The following CHEK2 variants were observed in gnomAD, a reference collection of about 807,000 sequenced individuals.
CHEK2 encodes serine/threonine-protein kinase Chk2.
A neutral mutation model predicts 69.1 loss-of-function variants in CHEK2; 71 were observed. The ratio of observed to expected loss-of-function variants is 1.03; its 90% CI spans 0.85 to 1.25. The LOEUF is 1.25. Among genes scored for constraint, CHEK2 ranks in the 50% most tolerant of loss-of-function variants. CHEK2 has a pLI of 0.00. For missense variants in CHEK2, 664 were observed against 649.6 expected (o/e 1.02, Z -0.24); for synonymous variants, 189 against 226.9 (o/e 0.83, Z 1.50).
In CHEK2 at chr22:28,689,179, A is replaced by T. The variant is rs2145749703; in HGVS notation, c.1498T>A (p.Ser500Thr). Residue 500 changes from serine (S) to threonine (T), a missense_variant, in exon 14 of 15, where the codon TCT becomes ACT. Coordinates refer to ENST00000404276, the MANE Select transcript of CHEK2 (RefSeq NM_007194.4). Reference sequence around the variant, plus strand: ...AGAGCTGTGGATTCATTTTCCTCAGACAGAAGATCTTGAAACTTTCTCTTC... The same window carrying T: ...AGAGCTGTGGATTCATTTTCCTCAGTCAGAAGATCTTGAAACTTTCTCTTC... Reference protein sequence around the residue: ...DMKRKFQDLLSEENESTALPQ... With the variant: ...DMKRKFQDLLTEENESTALPQ... 6.3e-7 allele frequency: 1 copy of T among 1,595,148 alleles called. No homozygotes were observed. Among genetic ancestry groups the T allele is most frequent in the Non-Finnish European group, 8.5e-7 (1 of 1,178,674 alleles).
intron 9 of CHEK2, among the ~76,000 whole-genome samples, chr22:28,697,568 TTC>T (rs1416877564): frequency 4.0e-5 from 6 of 151,196 alleles, no homozygotes; most frequent in African/African-American, 9.8e-5. Flanking sequence ...TTCTTTTCTT[TTC>T]TCTTTTTTTT....
rs17878979 is a variant in CHEK2, at chr22:28,740,664, G to A, written c.-7+1105C>T. Among the ~76,000 whole-genome samples the A allele has an allele frequency of 2.0e-4, 31 of 152,226 alleles. No homozygotes were observed. The East Asian group carries it at 3.1e-3, about 15-fold the overall frequency. The stretch of plus-strand genomic sequence containing the variant: ...CCACCAAGTAAACAGGGAGTACTAC[G>A]GAAAATTGCTTCCTTGGGAACTCCA... On this transcript the variant is annotated intron_variant, in intron 1 of 14. Transcript: ENST00000404276.
At chr22:28,735,250 C>CA (rs1285454577) in intron 1 of CHEK2, among the ~76,000 whole-genome samples, 4 of 151,632 alleles carry the variant, frequency 2.6e-5, no homozygotes, top group Admixed American at 1.3e-4. Flanking sequence ...ACTAAAAATA[C>CA]AAAAAATTAG....
At chr22:28,729,651 A>G (rs1391834939) in intron 2 of CHEK2, among the ~76,000 whole-genome samples, 1 of 152,052 alleles carries the variant, frequency 6.6e-6, no homozygotes, top group East Asian at 1.9e-4. Context: ...AGGAAAATAG[A>G]CACAGAAAAA....
intron 5 of CHEK2, among the ~76,000 whole-genome samples, chr22:28,714,551 T>C (rs2053523789): frequency 6.6e-6 from 1 of 152,228 alleles, no homozygotes; most frequent in Admixed American, 6.5e-5. Flanking sequence ...CCTTATCAGA[T>C]ATAGGGCTTG....
chr22:28,691,486 G>T (rs1966528062), intron 13 of CHEK2, among the ~76,000 whole-genome samples: 1 of 152,264 alleles, frequency 6.6e-6, no homozygotes, highest in African/African-American at 2.4e-5. Flanking sequence ...CTCAAAAAAG[G>T]AAATAAATAA....
Position 28,734,454 on chromosome 22 carries a change from G to A in CHEK2, c.268C>T (p.Pro90Ser), listed in dbSNP as rs777588170. 1.2e-6 allele frequency: 2 copies of A among 1,614,078 alleles called. No individual in the cohort carries two copies. Among genetic ancestry groups the A allele is most frequent in the South Asian group, 2.2e-5 (2 of 91,080 alleles). Residue 90 changes from proline (P) to serine (S), a missense_variant, in exon 2 of 15, where the codon CCT becomes TCT. Pro to Ser is a moderately conservative substitution (Grantham distance 74, BLOSUM62 -1). Transcript: ENST00000404276. Reference protein sequence around the residue: ...PEDQEPEEPTPAPWARLWALQ... With the variant: ...PEDQEPEEPTSAPWARLWALQ... ...GCCCATAATCGAGCCCAGGGGGCAGGGGTAGGCTCCTCAGGTTCTTGGTCC... is the reference window on the plus strand; with the variant it reads ...GCCCATAATCGAGCCCAGGGGGCAGAGGTAGGCTCCTCAGGTTCTTGGTCC...
At chr22:28,709,792 ATT>A (rs2053316196) in intron 7 of CHEK2, among the ~76,000 whole-genome samples, 1 of 151,880 alleles carries the variant, frequency 6.6e-6, no homozygotes, top group Non-Finnish European at 1.5e-5. Context: ...AAATTTTTGT[ATT>A]TTTAGTAGAC....
chr22:28,691,961 A>ATC (rs2052381769), intron 13 of CHEK2, among the ~76,000 whole-genome samples: 1 of 152,244 alleles, frequency 6.6e-6, no homozygotes, highest in African/African-American at 2.4e-5. Flanking sequence ...GATGTTTTAG[A>ATC]TGGTCAGTCT....
intron 7 of CHEK2, among the ~76,000 whole-genome samples, chr22:28,708,363 ATGTGTGTGTGTGTGTGTGTGTGTG>A (rs10694007): frequency 7.2e-6 from 1 of 139,668 alleles, no homozygotes. Flanking sequence ...CTCTAAAAAT[ATGTGTGTGTGTGTGTGTGTGTGTG>A]TGTGTGTGTG....
Position 28,714,516 on chromosome 22 carries a change from G to A in CHEK2, c.684-2499C>T, listed in dbSNP as rs114201388. ...TTTTTTTATTGTACAGTTCTAAGAT[G>A]TCTTTATCTATTCTAGACATAAGCC... is the stretch of plus-strand genomic sequence containing the variant. On this transcript the variant is annotated intron_variant, in intron 5 of 14. Coordinates refer to ENST00000404276, the MANE Select transcript of CHEK2 (RefSeq NM_007194.4). Among the ~76,000 whole-genome samples, 1,057 of 152,170 alleles carry A rather than the reference G, an allele frequency of 6.9e-3. 13 individuals are homozygous for A. The highest frequency in any genetic ancestry group is 0.025 in the African/African-American group (1,021 of 41,530).
chr22:28,719,328 T>C (rs2053686881), intron 5 of CHEK2, 67 bp downstream of exon 5: 4 of 812,122 alleles, frequency 4.9e-6, no homozygotes, highest in Non-Finnish European at 8.0e-6. Flanking sequence ...AAATCAGAAA[T>C]GAGAAACCAC....
chr22:28,731,415 A>G (rs2054211582), intron 2 of CHEK2, among the ~76,000 whole-genome samples: 1 of 152,080 alleles, frequency 6.6e-6, no homozygotes, highest in African/African-American at 2.4e-5. Context: ...CCTGGCCAAT[A>G]TGATGACAAC....
chr22:28,721,866 G>C, intron 4 of CHEK2, among the ~76,000 whole-genome samples: 1 of 151,812 alleles, frequency 6.6e-6, no homozygotes, highest in East Asian at 1.9e-4. Flanking sequence ...AAGTAGCTGG[G>C]ACTACAGGAA....
intron 13 of CHEK2, 107 bp downstream of exon 13, chr22:28,693,920 AATTAG>A (rs958829754): frequency 3.5e-5 from 27 of 782,224 alleles, no homozygotes; most frequent in African/African-American, 5.1e-5. Context: ...CATCTAAAAC[AATTAG>A]ATTAAACACT....
Position 28,725,113 on chromosome 22 carries a change from A to G in CHEK2, c.456T>C (p.Pro152=), listed in dbSNP as rs773234759. ...KHFRIFREVG[P]KNSYIAYIED... ...CTATGTATGCAATGTAAGAGTTTTT[A>G]GGACCCACTTCCTAAAATAGAGAAC... is the stretch of plus-strand genomic sequence containing the variant. The change falls in exon 4 of 15, where the codon CCT becomes CCC. Residue 152 remains proline, a synonymous_variant. Transcript: ENST00000404276. The G allele has an allele frequency of 6.2e-7, 1 of 1,614,170 alleles. No homozygotes were observed.
intron 7 of CHEK2, among the ~76,000 whole-genome samples, chr22:28,707,499 A>G (rs1162025324): frequency 6.6e-6 from 1 of 152,250 alleles, no homozygotes; most frequent in Admixed American, 6.5e-5. Flanking sequence ...AGGGAAGGAC[A>G]GCAATATCTG....
chr22:28,725,746 CA>C (rs920580224), intron 2 of CHEK2, among the ~76,000 whole-genome samples: 2 of 151,898 alleles, frequency 1.3e-5, no homozygotes, highest in African/African-American at 4.8e-5. Flanking sequence ...CCTATCTCTA[CA>C]AAAAATAAAA....
At chr22:28,731,426 C>T (rs1051844578) in intron 2 of CHEK2, among the ~76,000 whole-genome samples, 3 of 152,012 alleles carry the variant, frequency 2.0e-5, no homozygotes, top group African/African-American at 4.8e-5. Context: ...TGATGACAAC[C>T]CGTCCCTACT....
Sources: allele counts gnomAD v4.1 joint callset (sites outside exome capture counted in the v4.1 genomes callset), GRCh38; gene constraint gnomAD v4.1.1; transcripts MANE v1.5; gene names NCBI Gene and HGNC (gene_info 2026-07-23, HGNC 2026-07-21).